The following SATB2 variants were observed in gnomAD, a reference collection of about 807,000 sequenced individuals.
SATB2 encodes SATB homeobox 2, also known as DNA-binding protein SATB2.
A neutral mutation model predicts 73.4 loss-of-function variants in SATB2; 1 was observed. The ratio of observed to expected loss-of-function variants is 0.01; its 90% CI spans 0.00 to 0.06. The LOEUF (loss-of-function observed/expected upper bound fraction) is 0.06, where lower values mean the gene tolerates loss of function less well. Among genes scored for constraint, SATB2 ranks in the 10% least tolerant of loss-of-function variants. The pLI, the probability that SATB2 is intolerant of heterozygous loss-of-function variation, is 1.00. For synonymous variants in SATB2, 397 were observed against 367.0 expected, an observed-to-expected ratio of 1.08 and a Z score of -0.93; for missense variants, 459 against 945.8, an observed-to-expected ratio of 0.49 and a Z score of 6.75.
rs1430117412 is a variant in SATB2 at position 199,433,215 on chromosome 2, A to G, written c.346+123T>C. Reference sequence around the variant, plus strand: ...TACAAGAAATATTCTACTGCTCACTAGGAAATGCTAAATCTGACAATTCTC... The same window carrying G: ...TACAAGAAATATTCTACTGCTCACTGGGAAATGCTAAATCTGACAATTCTC... On this transcript the variant is annotated intron_variant, in intron 3 of 10. Coordinates refer to ENST00000417098, the MANE Select transcript of SATB2 (RefSeq NM_001172509.2). The G allele has an allele frequency of 7.0e-6, 7 of 1,005,164 alleles. No homozygotes were observed. The East Asian group carries it at 1.8e-4, about 26-fold the overall frequency. The allele number at this position is 1,005,164 out of a possible 1,614,324, so 62.3% of individuals were successfully genotyped here. A position where few individuals can be genotyped will look rare whatever the true frequency, so the allele number is the denominator to read the frequency against.
At chr2:199,459,148 G>C (rs1559068777), upstream of SATB2, among the ~76,000 whole-genome samples, 1 of 152,012 alleles carries the variant, frequency 6.6e-6, no homozygotes, top group Non-Finnish European at 1.5e-5. The surrounding 1 kb of genome is among the most constrained non-coding windows in gnomAD (Gnocchi z 4.2). Flanking sequence ...GCCTGTCCTC[G>C]GGCTACAGGA....
intron 3 of SATB2, among the ~76,000 whole-genome samples, chr2:199,428,763 G>T (rs1691409741): frequency 6.6e-6 from 1 of 152,090 alleles, no homozygotes; most frequent in Non-Finnish European, 1.5e-5. Flanking sequence ...TGGGTATAGT[G>T]GCTCACACCT....
intron 5 of SATB2, among the ~76,000 whole-genome samples, chr2:199,375,783 C>T (rs1689581463): frequency 6.6e-6 from 1 of 152,184 alleles, no homozygotes; most frequent in South Asian, 2.1e-4. Context: ...ATGCCTCACT[C>T]TCTTCTTCCT....
chr2:199,328,369 C>T (rs1438175529), intron 8 of SATB2, among the ~76,000 whole-genome samples: 1 of 151,912 alleles, frequency 6.6e-6, no homozygotes, highest in East Asian at 2.0e-4. Context: ...GGTGAAACCC[C>T]ATCCCTACAA....
At chr2:199,419,723 T>C (rs368648360) in intron 3 of SATB2, among the ~76,000 whole-genome samples, 2 of 152,230 alleles carry the variant, frequency 1.3e-5, no homozygotes, top group South Asian at 2.1e-4. Context: ...GTTCATTTTG[T>C]GGTTTCATGT....
intron 10 of SATB2, among the ~76,000 whole-genome samples, chr2:199,286,304 G>A (rs1392823038): frequency 1.3e-5 from 2 of 152,146 alleles, no homozygotes; most frequent in Non-Finnish European, 2.9e-5. Context: ...TCTCCAGTTA[G>A]AACCTGAGGA....
At chr2:199,338,807 C>T (rs1431367468) in intron 7 of SATB2, among the ~76,000 whole-genome samples, 1 of 151,360 alleles carries the variant, frequency 6.6e-6, no homozygotes, top group Non-Finnish European at 1.5e-5. Flanking sequence ...GTCCCAGCTA[C>T]TCGGGAGGCT....
At chr2:199,381,569 TCCTTC>T in intron 4 of SATB2, 120 bp downstream of exon 4, 1 of 1,350,194 alleles carries the variant, frequency 7.4e-7, no homozygotes, top group Non-Finnish European at 1.1e-6. Context: ...TCCCTCTCTC[TCCTTC>T]TTTTCATTTT....
chr2:199,408,140 G>GT (rs1159816821), intron 3 of SATB2, among the ~76,000 whole-genome samples: 1 of 152,132 alleles, frequency 6.6e-6, no homozygotes, highest in Non-Finnish European at 1.5e-5. Flanking sequence ...TACACACTGA[G>GT]TACTATCGTG....
intron 2 of SATB2, among the ~76,000 whole-genome samples, chr2:199,437,363 T>C (rs966945587): frequency 6.6e-6 from 1 of 152,238 alleles, no homozygotes; most frequent in Non-Finnish European, 1.5e-5. Context: ...GTACCCTCTC[T>C]ACACTAGAAA....
At chr2:199,396,749 G>A (rs775295329) in intron 3 of SATB2, 2 of 152,110 alleles carry the variant, frequency 1.3e-5, no homozygotes, top group Non-Finnish European at 2.9e-5. Context: ...CTGCTTTAAT[G>A]GAAAAGATCC....
chr2:199,291,715 C>A (rs1357216992), intron 10 of SATB2, among the ~76,000 whole-genome samples: 1 of 152,034 alleles, frequency 6.6e-6, no homozygotes, highest in Non-Finnish European at 1.5e-5. Flanking sequence ...GAGTTTGAGA[C>A]CAGCCTGGCC....
chr2:199,439,206 C>T (rs904827442), intron 2 of SATB2, among the ~76,000 whole-genome samples: 1 of 152,256 alleles, frequency 6.6e-6, no homozygotes, highest in Non-Finnish European at 1.5e-5. Flanking sequence ...TGGTCATACT[C>T]TAGTGTAAAT....
At chr2:199,328,586 G>A in intron 8 of SATB2, 112 bp downstream of exon 8, 1 of 738,556 alleles carries the variant, frequency 1.4e-6, no homozygotes, top group Non-Finnish European at 2.2e-6. Context: ...AGAAAAAAAG[G>A]AAAGAAATCC....
intron 3 of SATB2, among the ~76,000 whole-genome samples, chr2:199,416,172 T>C (rs1313672765): frequency 6.6e-6 from 1 of 152,198 alleles, no homozygotes; most frequent in Non-Finnish European, 1.5e-5. Context: ...TGTGGTTCTA[T>C]TATACCAAAG....
rs914419902 is a variant in SATB2, at chr2:199,463,877, TAGGGGC to T, written c.-141+953_-141+958del. ...TCCAGAAATCCGCTCCCACCCCTCG[TAGGGGC>T]AGGCAAGCTCAGGCAGCCGGGTGCA... On this transcript the variant is annotated intron_variant, in intron 1 of 11. Coordinates refer to the SATB2 transcript ENST00000260926. The surrounding 1 kb of genome is among the most constrained non-coding windows in gnomAD (Gnocchi z 6.4). 2.6e-5 allele frequency among the ~76,000 whole-genome samples: 4 copies of T among 152,118 alleles called. No individual in the cohort carries two copies. The highest frequency in any genetic ancestry group is 5.9e-5 in the Non-Finnish European group (4 of 68,016).
At position 199,353,148 on chromosome 2, in the gene SATB2, C is replaced by CTTTTTTTTTT. The variant is rs11369554; in HGVS notation, c.701-3985_701-3976dup. ...AGAAACCATTTACACACGTTTTTGT[C>CTTTTTTTTTT]TTTTTTTTTTTTTTTTTTTTTTTTG... is the stretch of plus-strand genomic sequence containing the variant. On this transcript the variant is annotated intron_variant, in intron 6 of 10. Transcript: ENST00000417098. Among the ~76,000 whole-genome samples the CTTTTTTTTTT allele has an allele frequency of 1.4e-3, 120 of 88,024 alleles. 3 individuals are homozygous for CTTTTTTTTTT. Among genetic ancestry groups the CTTTTTTTTTT allele is most frequent in the Non-Finnish European group, 1.7e-3 (85 of 50,424 alleles). 57.7% of individuals were successfully genotyped at this position (88,024 alleles called of 152,430 possible).
chr2:199,346,143 T>C (rs1688644140), intron 7 of SATB2, among the ~76,000 whole-genome samples: 1 of 151,860 alleles, frequency 6.6e-6, no homozygotes, highest in Non-Finnish European at 1.5e-5. Context: ...CTTATTTTTC[T>C]TTTTTTCTTT....
chr2:199,416,494 T>C (rs970220069), intron 3 of SATB2, among the ~76,000 whole-genome samples: 4 of 152,272 alleles, frequency 2.6e-5, no homozygotes, highest in African/African-American at 9.6e-5. Flanking sequence ...CTTCTTCAAA[T>C]GCTATGTTTA....
Sources: gnomAD v4.1 joint callset for allele counts (sites outside exome capture counted in the v4.1 genomes callset) on GRCh38, gnomAD v4.1.1 for gene constraint, Gnocchi (gnomAD v3.1) non-coding constraint, MANE v1.5 for transcripts, NCBI Gene and HGNC (gene_info 2026-07-23, HGNC 2026-07-21) for gene names.